Variants in SLC8A1 observed in about 807,000 individuals in gnomAD.
SLC8A1 encodes the protein solute carrier family 8 member A1.
A neutral mutation model predicts 68.3 loss-of-function variants in SLC8A1; 18 were observed. The ratio of observed to expected loss-of-function variants is 0.26; its 90% CI spans 0.18 to 0.39. The LOEUF (loss-of-function observed/expected upper bound fraction) is 0.39, where lower values mean the gene tolerates loss of function less well. Among genes scored for constraint, SLC8A1 ranks in the 10% least tolerant of loss-of-function variants. SLC8A1 has a pLI of 1.00. For synonymous variants in SLC8A1, 475 were observed against 415.5 expected (o/e 1.14, Z -1.74); for missense variants, 985 against 1,156.7 (o/e 0.85, Z 2.15).
intron 6 of SLC8A1, among the ~76,000 whole-genome samples, chr2:40,150,349 A>G (rs1022565699): frequency 2.0e-5 from 3 of 152,144 alleles, no homozygotes; most frequent in African/African-American, 7.2e-5. Context: ...CTCTCTGCCT[A>G]TGGAGAGTGT....
intron 1 of SLC8A1, among the ~76,000 whole-genome samples, chr2:40,480,041 G>T (rs1334633997): frequency 1.3e-5 from 2 of 151,880 alleles, no homozygotes; most frequent in East Asian, 3.9e-4. Flanking sequence ...CACAGGTCAA[G>T]AAAAAACTGT....
chr2:40,230,080 C>A (rs1193029592), intron 2 of SLC8A1, among the ~76,000 whole-genome samples: 2 of 152,150 alleles, frequency 1.3e-5, no homozygotes, highest in Non-Finnish European at 2.9e-5. Context: ...ATCATCAGAG[C>A]TAGGGCTGCA....
At chr2:40,460,747 A>G (rs1254819826) in intron 1 of SLC8A1, among the ~76,000 whole-genome samples, 1 of 151,890 alleles carries the variant, frequency 6.6e-6, no homozygotes, top group Non-Finnish European at 1.5e-5. Flanking sequence ...GATTTTTTAT[A>G]TCTTTTGTAG....
intron 2 of SLC8A1, among the ~76,000 whole-genome samples, chr2:40,260,126 A>G (rs1489155078): frequency 6.6e-6 from 1 of 152,234 alleles, no homozygotes; most frequent in Non-Finnish European, 1.5e-5. Context: ...TAGTCCAAGA[A>G]AGTGAACACA....
intron 2 of SLC8A1, among the ~76,000 whole-genome samples, chr2:40,294,320 T>A (rs35776185): frequency 0.17 from 25,428 of 152,056 alleles, 2,780 homozygotes; most frequent in East Asian, 0.38. Context: ...CTAAAGCACT[T>A]TTCACATAAT....
At chr2:40,420,360 T>TAAA (rs200504689) in intron 2 of SLC8A1, among the ~76,000 whole-genome samples, 1 of 138,410 alleles carries the variant, frequency 7.2e-6, no homozygotes, top group Non-Finnish European at 1.5e-5. Flanking sequence ...GGTAACACAT[T>TAAA]AAAAAAAAAA....
At chr2:40,179,147 T>C (rs2048998432) in intron 2 of SLC8A1, among the ~76,000 whole-genome samples, 1 of 152,184 alleles carries the variant, frequency 6.6e-6, no homozygotes, top group Non-Finnish European at 1.5e-5. Context: ...TTGTTCACGT[T>C]TTGTTTGTCT....
At chr2:40,299,551 C>T (rs1289922762) in intron 2 of SLC8A1, among the ~76,000 whole-genome samples, 7 of 152,060 alleles carry the variant, frequency 4.6e-5, no homozygotes, top group Admixed American at 3.9e-4. Context: ...TGACAAATTG[C>T]TGGCTCAATT....
intron 1 of SLC8A1, among the ~76,000 whole-genome samples, chr2:40,485,714 C>A (rs904689739): frequency 6.6e-6 from 1 of 152,050 alleles, no homozygotes; most frequent in Non-Finnish European, 1.5e-5. Flanking sequence ...AGAGTAATTA[C>A]CACTTCAAAG....
intron 2 of SLC8A1, among the ~76,000 whole-genome samples, chr2:40,252,442 C>A (rs2149035422): frequency 6.6e-6 from 1 of 152,252 alleles, no homozygotes; most frequent in East Asian, 1.9e-4. Flanking sequence ...AACTGATTCT[C>A]CTGCCCCAGC....
intron 2 of SLC8A1, among the ~76,000 whole-genome samples, chr2:40,340,544 G>A (rs555695540): frequency 6.6e-6 from 1 of 152,154 alleles, no homozygotes; most frequent in Non-Finnish European, 1.5e-5. Context: ...CTGGCCAACA[G>A]AGTGAGACTC....
chr2:40,362,943 A>G (rs1416199804), intron 2 of SLC8A1, among the ~76,000 whole-genome samples: 1 of 152,102 alleles, frequency 6.6e-6, no homozygotes, highest in Non-Finnish European at 1.5e-5. Context: ...AATACAGTTT[A>G]TCTAGCCCCT....
chr2:40,499,989 G>T (rs149682345), intron 1 of SLC8A1, among the ~76,000 whole-genome samples: 1 of 152,002 alleles, frequency 6.6e-6, no homozygotes, highest in East Asian at 1.9e-4. Context: ...TTTCTATCTC[G>T]AGATCAGAAC....
intron 1 of SLC8A1, among the ~76,000 whole-genome samples, chr2:40,475,727 A>G (rs1315356147): frequency 6.6e-6 from 1 of 152,158 alleles, no homozygotes; most frequent in African/African-American, 2.4e-5. Flanking sequence ...TTGCCAAAAT[A>G]AAGCTCTTTA....
At chr2:40,415,646 T>G (rs1478010744) in intron 2 of SLC8A1, among the ~76,000 whole-genome samples, 2 of 152,010 alleles carry the variant, frequency 1.3e-5, no homozygotes, top group Non-Finnish European at 2.9e-5. Context: ...ATGCAAAGTC[T>G]TTCATTTCAA....
chr2:40,214,732 C>A (rs576021268), intron 2 of SLC8A1, among the ~76,000 whole-genome samples: 78 of 152,228 alleles, frequency 5.1e-4, no homozygotes, highest in African/African-American at 1.8e-3. Flanking sequence ...GCCACTGCAT[C>A]CGGCCTGTTT....
chr2:40,242,811 A>T (rs1432228350), intron 2 of SLC8A1, among the ~76,000 whole-genome samples: 1 of 152,236 alleles, frequency 6.6e-6, no homozygotes, highest in Admixed American at 6.5e-5. Flanking sequence ...GCTTAGAAAA[A>T]AAGAGACTAA....
chr2:40,442,696 C>T (rs1478596126), intron 1 of SLC8A1, among the ~76,000 whole-genome samples: 1 of 152,164 alleles, frequency 6.6e-6, no homozygotes. Flanking sequence ...TACAGTGTGG[C>T]AATTCCTCAA....
chr2:40,364,808 G>C (rs532930647), intron 2 of SLC8A1, among the ~76,000 whole-genome samples: 58 of 152,134 alleles, frequency 3.8e-4, no homozygotes, highest in Middle Eastern at 3.4e-3. Flanking sequence ...CAGAAAGTTA[G>C]GAGAAAATAA....
Sources: gnomAD v4.1 joint callset for allele counts (sites outside exome capture counted in the v4.1 genomes callset) on GRCh38, gnomAD v4.1.1 for gene constraint, MANE v1.5 for transcripts, NCBI Gene and HGNC (gene_info 2026-07-23, HGNC 2026-07-21) for gene names.